The following PCDHA3 variants were observed in gnomAD, a reference collection of about 807,000 sequenced individuals.
The protein encoded by PCDHA3 is protocadherin alpha 3.
Under a neutral mutation model 62.2 loss-of-function variants are expected in PCDHA3, and 41 were observed. That is an observed-to-expected ratio of 0.66 (90% CI 0.51 to 0.86). PCDHA3 has a LOEUF of 0.86. PCDHA3 is among the 40% of genes least tolerant of loss of function. The probability of loss-of-function intolerance (pLI) is 0.00; values close to 1 mark genes in which losing one functional copy is unlikely to be tolerated. For synonymous variants in PCDHA3, 640 were observed against 555.4 expected (o/e 1.15, Z -2.14); for missense variants, 1,304 against 1,241.2 (o/e 1.05, Z -0.76).
chr5:140,875,889 G>C, intron 1 of PCDHA3: 1 of 1,614,174 alleles, frequency 6.2e-7, no homozygotes, highest in South Asian at 1.1e-5. Context: ...GGGAACAAAA[G>C]GTACCTGTTT....
chr5:140,835,605 G>T, intron 1 of PCDHA3: 1 of 1,613,894 alleles, frequency 6.2e-7, no homozygotes. Context: ...CTATTCATTG[G>T]TGCTGGACAG....
At position 141,010,718 on chromosome 5, in the gene PCDHA3, T is replaced by C. The variant is rs2154002137; in HGVS notation, c.*781T>C. Reference sequence around the variant, plus strand: ...TTTCCTATACATGTCCTGTGCTCACTTTATTAAAAATTCTTTTGCACACAA... The same window carrying C: ...TTTCCTATACATGTCCTGTGCTCACCTTATTAAAAATTCTTTTGCACACAA... On this transcript the variant is annotated 3_prime_UTR_variant, in exon 4 of 4. Coordinates refer to ENST00000522353, the MANE Select transcript of PCDHA3 (RefSeq NM_018906.3). The C allele has an allele frequency of 6.5e-6, 1 of 154,542 alleles. No homozygotes were observed. The highest frequency in any genetic ancestry group is 1.9e-4 in the East Asian group (1 of 5,208). 9.6% of individuals were successfully genotyped at this position (154,542 alleles called of 1,614,324 possible). A position where few individuals can be genotyped will look rare whatever the true frequency, so the allele number is the denominator to read the frequency against.
At chr5:140,973,358 A>G (rs1450961086) in intron 1 of PCDHA3, among the ~76,000 whole-genome samples, 1 of 152,234 alleles carries the variant, frequency 6.6e-6, no homozygotes, top group Non-Finnish European at 1.5e-5. Flanking sequence ...GTGAATTTAT[A>G]AAAATTGCAC....
rs1231451796 is a variant in PCDHA3, at chr5:140,869,049, G to T, written c.2394+65458G>T. On this transcript the variant is annotated intron_variant, in intron 1 of 3. Coordinates refer to ENST00000522353, the MANE Select transcript of PCDHA3 (RefSeq NM_018906.3). ...ACGAGATTTTTAACCTGAAACTGAA[G>T]AATCTGGTACTGTAAGTGTAAAGAA... 1.1e-5 allele frequency: 17 copies of T among 1,532,472 alleles called. No homozygotes were observed. The South Asian group carries it at 2.1e-4, about 19-fold the overall frequency. 94.9% of individuals were successfully genotyped at this position (1,532,472 alleles called of 1,614,324 possible).
intron 3 of PCDHA3, among the ~76,000 whole-genome samples, chr5:140,998,172 T>C (rs1438782798): frequency 6.6e-6 from 1 of 152,184 alleles, no homozygotes; most frequent in Admixed American, 6.5e-5. Flanking sequence ...CCAAGTATTA[T>C]TCTAAGCACT....
At chr5:141,005,488 G>A (rs138290389) in intron 3 of PCDHA3, among the ~76,000 whole-genome samples, 2,990 of 151,856 alleles carry the variant, frequency 0.02, 115 homozygotes, top group African/African-American at 0.068. Flanking sequence ...CGGATCATGA[G>A]GTCAGGAGAT....
chr5:140,859,512 T>A, intron 1 of PCDHA3: 1 of 196,766 alleles, frequency 5.1e-6, no homozygotes, highest in South Asian at 1.4e-4. Context: ...TACCCATGAT[T>A]TCATTTTTAA....
rs782166832 is a variant in PCDHA3, at chr5:140,882,300, C to G, written c.2394+78709C>G. 1.4e-5 allele frequency: 22 copies of G among 1,613,604 alleles called. No individual in the cohort carries two copies. The East Asian group carries it at 4.5e-4, about 33-fold the overall frequency. The stretch of plus-strand genomic sequence containing the variant: ...TCTTCCTGGCAAGGAGGCCCAAGAC[C>G]GCGGCAACTACTGCTCTGGCTTCTG... On this transcript the variant is annotated intron_variant, in intron 1 of 3. Coordinates refer to ENST00000522353, the MANE Select transcript of PCDHA3 (RefSeq NM_018906.3).
intron 1 of PCDHA3, chr5:140,877,772 C>A (rs372461540): frequency 1.2e-6 from 2 of 1,614,152 alleles, no homozygotes; most frequent in Non-Finnish European, 1.7e-6. Context: ...CCGCCCAAGA[C>A]GGACCTCATG....
intron 1 of PCDHA3, among the ~76,000 whole-genome samples, chr5:140,949,539 A>G (rs971813092): frequency 6.6e-6 from 1 of 151,744 alleles, no homozygotes; most frequent in Admixed American, 6.6e-5. Context: ...TAAAATATCG[A>G]TTTGTTGCTG....
chr5:140,836,909 C>T (rs1173581620), intron 1 of PCDHA3: 1 of 579,626 alleles, frequency 1.7e-6, no homozygotes, highest in Non-Finnish European at 2.9e-6. Context: ...TTAATATACA[C>T]TTTTGTTTTG....
Position 140,802,200 on chromosome 5 carries a change from A to C in PCDHA3, c.1003A>C (p.Thr335Pro). The C allele has an allele frequency of 1.9e-6, 3 of 1,614,252 alleles. No individual in the cohort carries two copies. The highest frequency in any genetic ancestry group is 2.5e-6 in the Non-Finnish European group (3 of 1,180,048). The part of the protein sequence containing the change: ...KGNPPMSDHC[T>P]VLLEIVDIND... ...AAATCCCCCAATGTCAGATCACTGC[A>C]CAGTTCTACTCGAAATTGTGGACAT... The change falls in exon 1 of 4, where the codon ACA becomes CCA. Residue 335 changes from threonine (T) to proline (P), a missense_variant. Physicochemically the swap from Thr to Pro is conservative, Grantham distance 38. Coordinates refer to ENST00000522353, the MANE Select transcript of PCDHA3 (RefSeq NM_018906.3).
chr5:140,934,262 TAATC>T (rs1554209807), intron 1 of PCDHA3, among the ~76,000 whole-genome samples: 1 of 152,136 alleles, frequency 6.6e-6, no homozygotes, highest in Non-Finnish European at 1.5e-5. Flanking sequence ...AAATTAATAA[TAATC>T]AGTGCTTCAT....
intron 1 of PCDHA3, chr5:140,828,686 T>A: frequency 6.2e-7 from 1 of 1,614,164 alleles, no homozygotes; most frequent in Non-Finnish European, 8.5e-7. Context: ...ATTAAAGAAA[T>A]CCTTGGACAG....
At chr5:140,884,812 G>C in intron 1 of PCDHA3, 2 of 1,117,104 alleles carry the variant, frequency 1.8e-6, no homozygotes, top group Non-Finnish European at 2.5e-6. Flanking sequence ...ACTCTGCTGT[G>C]GACATTATGT....
chr5:140,892,061 T>C (rs1445819046), intron 1 of PCDHA3, among the ~76,000 whole-genome samples: 1 of 152,254 alleles, frequency 6.6e-6, no homozygotes, highest in Non-Finnish European at 1.5e-5. Context: ...AATTTATTGT[T>C]ACTTTGTATA....
At chr5:140,808,665 C>A in intron 1 of PCDHA3, 1 of 1,613,018 alleles carries the variant, frequency 6.2e-7, no homozygotes, top group Non-Finnish European at 8.5e-7. Context: ...GTGTCCTACT[C>A]GCTGGTAGAG....
chr5:140,994,258 G>A (rs2097608740), intron 3 of PCDHA3, among the ~76,000 whole-genome samples: 1 of 152,122 alleles, frequency 6.6e-6, no homozygotes, highest in Admixed American at 6.5e-5. Flanking sequence ...GGTAAATAAG[G>A]TAAGCTAGGC....
At chr5:140,874,492 C>G (rs1289000541) in intron 1 of PCDHA3, among the ~76,000 whole-genome samples, 2 of 152,196 alleles carry the variant, frequency 1.3e-5, no homozygotes, top group Non-Finnish European at 2.9e-5. Context: ...AGGTTGATAT[C>G]AAGTTCACAT....
Sources: gnomAD v4.1 joint callset for allele counts (sites outside exome capture counted in the v4.1 genomes callset) on GRCh38, gnomAD v4.1.1 for gene constraint, MANE v1.5 for transcripts, NCBI Gene and HGNC (gene_info 2026-07-23, HGNC 2026-07-21) for gene names.